Variants in SLC4A4 observed in about 807,000 individuals in gnomAD.
SLC4A4 encodes the protein electrogenic sodium bicarbonate cotransporter 1.
A neutral mutation model predicts 111.5 loss-of-function variants in SLC4A4; 27 were observed. The ratio of observed to expected loss-of-function variants is 0.24; its 90% CI spans 0.18 to 0.33. The LOEUF (loss-of-function observed/expected upper bound fraction) is 0.33. Ranked by LOEUF, SLC4A4 falls within the 10% of genes least tolerant of loss-of-function variation. The pLI, the probability that SLC4A4 is intolerant of heterozygous loss-of-function variation, is 1.00. For missense variants in SLC4A4, 909 were observed against 1,315.5 expected, an observed-to-expected ratio of 0.69 and a Z score of 4.78; for synonymous variants, 443 against 463.4, an observed-to-expected ratio of 0.96 and a Z score of 0.57.
chr4:71,357,558 TAGG>T (rs988876265), intron 6 of SLC4A4, among the ~76,000 whole-genome samples: 25 of 152,298 alleles, frequency 1.6e-4, no homozygotes, highest in Admixed American at 1.3e-3. Flanking sequence ...TTGCCAGAAT[TAGG>T]AGGAGAATAG....
chr4:71,193,359 C>A (rs549783657), intron 1 of SLC4A4, among the ~76,000 whole-genome samples: 2 of 152,128 alleles, frequency 1.3e-5, no homozygotes, highest in African/African-American at 2.4e-5. Flanking sequence ...CAGGGTTTCA[C>A]CGTGTTAGCC....
chr4:71,100,426 T>TAG (rs965157790), intron 2 of SLC4A4, among the ~76,000 whole-genome samples: 3 of 151,812 alleles, frequency 2.0e-5, no homozygotes, highest in South Asian at 4.1e-4. Context: ...CTCAATAAAC[T>TAG]AGGTATTAAA....
intron 4 of SLC4A4, 117 bp downstream of exon 4, chr4:71,339,622 T>A (rs1728724507): frequency 1.1e-6 from 1 of 945,946 alleles, no homozygotes; most frequent in South Asian, 1.4e-5. Context: ...ATGGGCATGA[T>A]GTTGGCTGGG....
rs796348911 is a variant in SLC4A4 at position 71,555,777 on chromosome 4, TTTTA to T, written c.2763+570_2763+573del. Among the ~76,000 whole-genome samples the T allele has an allele frequency of 3.3e-5, 5 of 152,052 alleles. 1 individual carries two copies. Among genetic ancestry groups the T allele is most frequent in the African/African-American group, 1.2e-4 (5 of 41,548 alleles). On this transcript the variant is annotated intron_variant, in intron 21 of 25. Transcript: ENST00000264485. ...ATCAACTGGGCATGGTGGTGCACAC[TTTTA>T]ATCTCAGCTACTTGGGAGGCTGAGG...
chr4:71,510,900 G>T (rs1468483654), intron 16 of SLC4A4, among the ~76,000 whole-genome samples: 1 of 151,790 alleles, frequency 6.6e-6, no homozygotes, highest in Non-Finnish European at 1.5e-5. Context: ...TTGCTTTGTG[G>T]TTACCATGAG....
At chr4:71,495,530 T>C (rs1309266304) in intron 15 of SLC4A4, among the ~76,000 whole-genome samples, 1 of 152,100 alleles carries the variant, frequency 6.6e-6, no homozygotes, top group African/African-American at 2.4e-5. Context: ...AAGTTGAAGC[T>C]TCTATAGGAA....
intron 3 of SLC4A4, among the ~76,000 whole-genome samples, chr4:71,333,779 C>G (rs1437222710): frequency 6.6e-6 from 1 of 152,144 alleles, no homozygotes; most frequent in African/African-American, 2.4e-5. Flanking sequence ...TTTCCTGATG[C>G]AGAAGGAGCC....
intron 15 of SLC4A4, among the ~76,000 whole-genome samples, chr4:71,494,921 T>C (rs956185837): frequency 2.6e-5 from 4 of 152,066 alleles, no homozygotes; most frequent in Admixed American, 6.6e-5. Context: ...ACAGATAATA[T>C]AGATGTGTTT....
rs1423155776 is a variant in SLC4A4, at chr4:71,187,284, TGGCGGCGGCGGCCGCGGTGGCAGCGAA to T, written c.-106_-80del. ...GGCGGCGCGCCGGGCAGCGCTTCGG[TGGCGGCGGCGGCCGCGGTGGCAGCGAA>T]GGCGGCGGCGGCGGCGGCAGTGGCA... is the stretch of plus-strand genomic sequence containing the variant. On this transcript the variant is annotated 5_prime_UTR_variant, in exon 1 of 26. Coordinates refer to ENST00000264485, the MANE Select transcript of SLC4A4 (RefSeq NM_001098484.3). 5 of 153,892 alleles carry T rather than the reference TGGCGGCGGCGGCCGCGGTGGCAGCGAA, an allele frequency of 3.2e-5. No homozygotes were observed. Among genetic ancestry groups the T allele is most frequent in the Admixed American group, 2.0e-4 (3 of 15,112 alleles). The allele number at this position is 153,892 out of a possible 1,614,324, so 9.5% of individuals were successfully genotyped here.
At chr4:71,359,899 C>T (rs2148916405) in intron 6 of SLC4A4, among the ~76,000 whole-genome samples, 1 of 152,140 alleles carries the variant, frequency 6.6e-6, no homozygotes, top group South Asian at 2.1e-4. Flanking sequence ...TTATAGCTAG[C>T]AACAATGTAA....
chr4:71,137,385 A>T (rs1259069305), intron 2 of SLC4A4, among the ~76,000 whole-genome samples: 1 of 152,206 alleles, frequency 6.6e-6, no homozygotes, highest in East Asian at 1.9e-4. Context: ...TCTGCCCAGC[A>T]TTCCTCCTAT....
chr4:71,444,529 C>A (rs1725051857), intron 8 of SLC4A4, among the ~76,000 whole-genome samples: 1 of 151,994 alleles, frequency 6.6e-6, no homozygotes, highest in South Asian at 2.1e-4. Flanking sequence ...GATGTTTACT[C>A]TAATTTGTTA....
intron 7 of SLC4A4, among the ~76,000 whole-genome samples, chr4:71,407,966 A>T (rs1425211330): frequency 6.6e-6 from 1 of 152,114 alleles, no homozygotes; most frequent in East Asian, 1.9e-4. Context: ...CTCACTATAG[A>T]TAGGGTCAAC....
chr4:71,221,824 G>A (rs563955399), intron 1 of SLC4A4, among the ~76,000 whole-genome samples: 1 of 152,262 alleles, frequency 6.6e-6, no homozygotes, highest in African/African-American at 2.4e-5. Context: ...CAAGGTCAAG[G>A]CTCTGAACCC....
chr4:71,142,604 C>T (rs1744030961), intron 2 of SLC4A4, among the ~76,000 whole-genome samples: 1 of 151,980 alleles, frequency 6.6e-6, no homozygotes, highest in African/African-American at 2.4e-5. Flanking sequence ...ATGACATAGC[C>T]GAGGCTACCT....
intron 7 of SLC4A4, among the ~76,000 whole-genome samples, chr4:71,428,764 A>G (rs1393033985): frequency 6.6e-6 from 1 of 152,134 alleles, no homozygotes; most frequent in African/African-American, 2.4e-5. Context: ...GAGGCAGGGT[A>G]AATAGAAAAC....
intron 7 of SLC4A4, among the ~76,000 whole-genome samples, chr4:71,423,093 T>C (rs79263061): frequency 0.2 from 29,970 of 152,060 alleles, 3,288 homozygotes; most frequent in South Asian, 0.42. Flanking sequence ...AAAACCCCAT[T>C]GTCTCAGCCC....
intron 2 of SLC4A4, among the ~76,000 whole-genome samples, chr4:71,246,501 G>A (rs1462501913): frequency 1.3e-5 from 2 of 152,190 alleles, no homozygotes; most frequent in African/African-American, 4.8e-5. Flanking sequence ...TTACAGAGAG[G>A]TGAGAGGGAA....
intron 3 of SLC4A4, among the ~76,000 whole-genome samples, chr4:71,291,042 C>T (rs1447931800): frequency 6.6e-6 from 1 of 152,112 alleles, no homozygotes; most frequent in East Asian, 1.9e-4. Flanking sequence ...AATCAAAGCT[C>T]CAAATTTAAT....
Sources: allele counts gnomAD v4.1 joint callset (sites outside exome capture counted in the v4.1 genomes callset), GRCh38; gene constraint gnomAD v4.1.1; transcripts MANE v1.5; gene names NCBI Gene and HGNC (gene_info 2026-07-23, HGNC 2026-07-21).